The following IMMP1L variants were observed in gnomAD, a reference collection of about 807,000 sequenced individuals.
The protein encoded by IMMP1L is inner mitochondrial membrane peptidase subunit 1, also known as mitochondrial inner membrane protease subunit 1.
In IMMP1L, 24 loss-of-function variants were observed where a neutral mutation model predicts 21.8. The observed-to-expected ratio is 1.10, with a 90% CI of 0.80 to 1.55. The LOEUF is 1.55. Among genes scored for constraint, IMMP1L ranks in the 40% most tolerant of loss-of-function variants. IMMP1L has a pLI of 0.00. For synonymous variants in IMMP1L, 46 were observed against 62.8 expected (o/e 0.73, Z 1.26); for missense variants, 195 against 200.7 (o/e 0.97, Z 0.17).
chr11:31,490,506 T>C (rs1278805220), intron 1 of IMMP1L, among the ~76,000 whole-genome samples: 1 of 151,552 alleles, frequency 6.6e-6, no homozygotes, highest in Admixed American at 6.6e-5. Context: ...AATAACCCCC[T>C]ACTTCTATAT....
rs144408438 is a variant in IMMP1L, at chr11:31,434,149, T to A, written c.322-579A>T. The stretch of plus-strand genomic sequence containing the variant: ...AGGCCATATCTTCAATGCATTATAC[T>A]TCAATAATGACCATGAAGAACCAGA... On this transcript the variant is annotated intron_variant, in intron 4 of 5. Transcript: ENST00000532287. Among the ~76,000 whole-genome samples the A allele has an allele frequency of 1.5e-4, 23 of 152,290 alleles. No individual in the cohort carries two copies. In the East Asian group the frequency reaches 4.4e-3, roughly 29 times the overall value.
At chr11:31,469,270 A>C (rs1420642399) in intron 1 of IMMP1L, among the ~76,000 whole-genome samples, 1 of 152,154 alleles carries the variant, frequency 6.6e-6, no homozygotes, top group Non-Finnish European at 1.5e-5. Context: ...CAAGAGAAAA[A>C]AAAGTACAAA....
intron 4 of IMMP1L, among the ~76,000 whole-genome samples, chr11:31,447,741 T>A (rs112190236): frequency 8.9e-4 from 135 of 152,318 alleles, no homozygotes; most frequent in African/African-American, 3.2e-3. Context: ...GTAATGCCAA[T>A]ATTTTCTTGC....
In IMMP1L at chr11:31,487,294, A is replaced by C. The variant is rs73467272; in HGVS notation, c.-30+22225T>G. 4.2e-3 allele frequency among the ~76,000 whole-genome samples: 641 copies of C among 152,192 alleles called. 5 individuals carry two copies. The highest frequency in any genetic ancestry group is 0.015 in the African/African-American group (604 of 41,568). ...GCCTTTAAATAATATAAGATCAGTT[A>C]TCCTGCTAGATCTTGGCTTAGCAGC... On this transcript the variant is annotated intron_variant, in intron 1 of 5. Coordinates refer to ENST00000532287, the MANE Select transcript of IMMP1L (RefSeq NM_001304274.2).
At chr11:31,458,449 T>C (rs1000553799) in intron 3 of IMMP1L, among the ~76,000 whole-genome samples, 2 of 152,102 alleles carry the variant, frequency 1.3e-5, no homozygotes, top group African/African-American at 4.8e-5. Context: ...GAATAAGCAA[T>C]AGTAAAAATC....
intron 3 of IMMP1L, among the ~76,000 whole-genome samples, chr11:31,458,421 CACT>C (rs756249238): frequency 2.6e-5 from 4 of 152,022 alleles, no homozygotes; most frequent in Non-Finnish European, 5.9e-5. Flanking sequence ...ATTAGGTGCT[CACT>C]ACTATTTGTT....
At chr11:31,457,255 G>T (rs932460107) in intron 3 of IMMP1L, among the ~76,000 whole-genome samples, 8 of 151,948 alleles carry the variant, frequency 5.3e-5, no homozygotes, top group African/African-American at 1.7e-4. Context: ...AAACCAATAA[G>T]GGTCTGATTA....
At chr11:31,453,698 C>T (rs757577888) in intron 4 of IMMP1L, among the ~76,000 whole-genome samples, 3 of 152,136 alleles carry the variant, frequency 2.0e-5, no homozygotes, top group Non-Finnish European at 4.4e-5. Context: ...ATTCTTAGGA[C>T]TTGAATAACC....
intron 1 of IMMP1L, among the ~76,000 whole-genome samples, chr11:31,487,506 T>C (rs1955122456): frequency 1.3e-5 from 2 of 152,164 alleles, no homozygotes; most frequent in Admixed American, 1.3e-4. Flanking sequence ...CACTTGTCTA[T>C]GCATACAACA....
chr11:31,488,736 T>TA lies in IMMP1L; in HGVS notation c.-30+20782dup, dbSNP rs1359803143. Among the ~76,000 whole-genome samples the TA allele has an allele frequency of 5.3e-5, 8 of 151,960 alleles. No individual in the cohort carries two copies. In the South Asian group the frequency reaches 1.2e-3, roughly 24 times the overall value. On this transcript the variant is annotated intron_variant, in intron 1 of 5. Coordinates refer to ENST00000532287, the MANE Select transcript of IMMP1L (RefSeq NM_001304274.2). ...AATATAAGGAATGTGTGTGATACTG[T>TA]AAAAAAAACCTTGTGACCAGTTATA...
intron 1 of IMMP1L, chr11:31,477,854 GC>G: frequency 6.6e-6 from 1 of 152,276 alleles, no homozygotes; most frequent in Non-Finnish European, 1.5e-5. Context: ...GTGCTGGTTG[GC>G]CCCCTATTCC....
intron 1 of IMMP1L, among the ~76,000 whole-genome samples, chr11:31,487,915 A>T (rs1424879757): frequency 6.6e-6 from 1 of 152,140 alleles, no homozygotes; most frequent in Non-Finnish European, 1.5e-5. Context: ...GCACCTTTAT[A>T]ATAGTTGCTT....
chr11:31,488,861 A>G (rs1455888980), intron 1 of IMMP1L, among the ~76,000 whole-genome samples: 2 of 151,808 alleles, frequency 1.3e-5, no homozygotes, highest in Non-Finnish European at 2.9e-5. Context: ...TATGATTAAG[A>G]AAATAAGTTT....
intron 1 of IMMP1L, among the ~76,000 whole-genome samples, chr11:31,506,238 T>A (rs1173382619): frequency 8.2e-6 from 1 of 121,436 alleles, no homozygotes; most frequent in Admixed American, 8.5e-5. Context: ...TTTTTTTTTT[T>A]TTTTTTTGAG....
rs546049737 is a variant in IMMP1L, at chr11:31,508,019, G to A, written c.-30+1500C>T. 4.6e-5 allele frequency among the ~76,000 whole-genome samples: 7 copies of A among 152,188 alleles called. No individual in the cohort carries two copies. The South Asian group carries it at 1.5e-3, about 32-fold the overall frequency. ...GCATCAAAAATATTTGTAGGGGTGG[G>A]GGGACAGAGAGCATCAGGAAGAATA... On this transcript the variant is annotated intron_variant, in intron 1 of 5. Transcript: ENST00000532287.
chr11:31,507,777 TTAA>T (rs1259112749), intron 1 of IMMP1L, among the ~76,000 whole-genome samples: 1 of 152,196 alleles, frequency 6.6e-6, no homozygotes, highest in Non-Finnish European at 1.5e-5. Context: ...CTGACTATAG[TTAA>T]TAATCATATA....
rs1477420576 is a variant in IMMP1L, at chr11:31,463,188, A to C, written c.89T>G (p.Val30Gly). 1.9e-6 allele frequency: 3 copies of C among 1,606,570 alleles called. No homozygotes were observed. The highest frequency in any genetic ancestry group is 3.3e-4 in the Middle Eastern group (2 of 6,030). The change falls in exon 2 of 6, where the codon GTT becomes GGT. Residue 30 changes from valine (V) to glycine (G), a missense_variant. By Grantham distance (109) the Val-to-Gly change is moderately radical. Coordinates refer to ENST00000532287, the MANE Select transcript of IMMP1L (RefSeq NM_001304274.2). Reference sequence around the variant, plus strand: ...AAAACTTACCATGACAACACCACCAACGTATTCAAAAGCACAATGAGCTAT... The same window carrying C: ...AAAACTTACCATGACAACACCACCACCGTATTCAAAAGCACAATGAGCTAT... Reference protein sequence around the residue: ...GCIAHCAFEYVGGVVMCSGPS... With the variant: ...GCIAHCAFEYGGGVVMCSGPS...
chr11:31,471,473 C>T (rs954435198), intron 1 of IMMP1L, among the ~76,000 whole-genome samples: 1 of 151,994 alleles, frequency 6.6e-6, no homozygotes, highest in South Asian at 2.1e-4. Flanking sequence ...CTTAAAGATG[C>T]TAAATTAAAA....
chr11:31,439,762 T>C (rs1330979298), intron 4 of IMMP1L, among the ~76,000 whole-genome samples: 1 of 152,214 alleles, frequency 6.6e-6, no homozygotes, highest in Non-Finnish European at 1.5e-5. Flanking sequence ...GTTGGGTCTT[T>C]ATCTTACATT....
Sources: allele counts gnomAD v4.1 joint callset (sites outside exome capture counted in the v4.1 genomes callset), GRCh38; gene constraint gnomAD v4.1.1; transcripts MANE v1.5; gene names NCBI Gene and HGNC (gene_info 2026-07-23, HGNC 2026-07-21).